Variants in ZFAND3 observed in about 807,000 individuals in gnomAD.
The protein encoded by ZFAND3 is AN1-type zinc finger protein 3.
Under a neutral mutation model 29.6 loss-of-function variants are expected in ZFAND3, and 10 were observed. The observed-to-expected ratio is 0.34, with a 90% CI of 0.21 to 0.57. The LOEUF is 0.57. Among genes scored for constraint, ZFAND3 ranks in the 20% least tolerant of loss-of-function variants. The pLI, the probability that ZFAND3 is intolerant of heterozygous loss-of-function variation, is 0.86. For missense variants in ZFAND3, 230 were observed against 304.5 expected, an observed-to-expected ratio of 0.76 and a Z score of 1.82; for synonymous variants, 128 against 112.6, an observed-to-expected ratio of 1.14 and a Z score of -0.87.
chr6:37,949,077 C>T (rs746938761), intron 2 of ZFAND3, among the ~76,000 whole-genome samples: 2 of 152,168 alleles, frequency 1.3e-5, no homozygotes, highest in Non-Finnish European at 2.9e-5. Flanking sequence ...TACTTTCCCA[C>T]CAGCAGTGTA....
chr6:37,846,282 G>A (rs1204544294), intron 1 of ZFAND3, among the ~76,000 whole-genome samples: 4 of 152,132 alleles, frequency 2.6e-5, no homozygotes, highest in Admixed American at 6.5e-5. Context: ...AAGAACCCAA[G>A]CCTTAGCAGA....
chr6:38,103,143 T>A (rs1008808550), intron 4 of ZFAND3, among the ~76,000 whole-genome samples: 5 of 152,208 alleles, frequency 3.3e-5, no homozygotes, highest in Non-Finnish European at 5.9e-5. Context: ...CCTCACTTAA[T>A]GTTGTTGATT....
intron 1 of ZFAND3, among the ~76,000 whole-genome samples, chr6:37,890,671 A>G (rs1278241275): frequency 1.7e-4 from 26 of 152,244 alleles, no homozygotes; most frequent in Non-Finnish European, 1.6e-4. Context: ...GACTAACACT[A>G]TCACATTAGT....
At position 38,062,391 on chromosome 6, in the gene ZFAND3, CT is replaced by C. The variant is rs768174856; in HGVS notation, c.295+630del. On this transcript the variant is annotated intron_variant, in intron 3 of 5. Transcript: ENST00000287218. ...TAGAAGTTCACTGTCTACTTAATTT[CT>C]TTTTTTTTTTTTTAGATACTCACTC... 537 of 141,654 alleles carry C rather than the reference CT, an allele frequency of 3.8e-3. 1 individual carries two copies. The highest frequency in any genetic ancestry group is 7.4e-3 in the Middle Eastern group (2 of 272). 8.8% of individuals were successfully genotyped at this position (141,654 alleles called of 1,614,324 possible).
chr6:38,106,635 G>A (rs1033185978), intron 4 of ZFAND3, among the ~76,000 whole-genome samples: 5 of 152,154 alleles, frequency 3.3e-5, no homozygotes, highest in Admixed American at 3.3e-4. Flanking sequence ...TTTACTTTGT[G>A]TGTTCATAAC....
intron 5 of ZFAND3, among the ~76,000 whole-genome samples, chr6:38,124,513 G>A (rs1765595456): frequency 6.6e-6 from 1 of 152,194 alleles, no homozygotes; most frequent in African/African-American, 2.4e-5. Flanking sequence ...GTGAGAAATC[G>A]AGCGCAGTGC....
At chr6:37,974,550 G>A (rs1013307299) in intron 2 of ZFAND3, among the ~76,000 whole-genome samples, 16 of 151,790 alleles carry the variant, frequency 1.1e-4, no homozygotes, top group Admixed American at 3.3e-4. Flanking sequence ...AGCTACAGGC[G>A]TGCGCTCCAA....
rs5875607 is a variant in ZFAND3, at chr6:37,985,499, C to CCACACACACACACACA, written c.112+55514_112+55529dup. 2.3e-3 allele frequency among the ~76,000 whole-genome samples: 322 copies of CCACACACACACACACA among 141,694 alleles called. 2 individuals are homozygous for CCACACACACACACACA. In the East Asian group the frequency reaches 0.042, roughly 18 times the overall value. The allele number at this position is 141,694 out of a possible 152,430, so 93.0% of individuals were successfully genotyped here. A position where few individuals can be genotyped will look rare whatever the true frequency, so the allele number is the denominator to read the frequency against. Reference sequence around the variant, plus strand: ...CGCCTGGTGGCACGTGCTTGTGGTTCCACACACACACACACACACACACAC... The same window carrying CCACACACACACACACA: ...CGCCTGGTGGCACGTGCTTGTGGTTCCACACACACACACACACACACACACACACACACACACACAC... On this transcript the variant is annotated intron_variant, in intron 2 of 5. Coordinates refer to ENST00000287218, the MANE Select transcript of ZFAND3 (RefSeq NM_021943.3).
chr6:38,105,041 G>C (rs1554181310), intron 4 of ZFAND3, among the ~76,000 whole-genome samples: 3 of 152,208 alleles, frequency 2.0e-5, no homozygotes, highest in Non-Finnish European at 4.4e-5. Flanking sequence ...CAATGCCTCA[G>C]TTTCCTCATG....
intron 2 of ZFAND3, among the ~76,000 whole-genome samples, chr6:38,039,514 G>A (rs1015455174): frequency 6.6e-6 from 1 of 152,142 alleles, no homozygotes; most frequent in African/African-American, 2.4e-5. Flanking sequence ...GTATTCATAA[G>A]GTAGAGTAGT....
At chr6:37,993,679 G>T (rs1414826123) in intron 2 of ZFAND3, among the ~76,000 whole-genome samples, 2 of 152,030 alleles carry the variant, frequency 1.3e-5, no homozygotes, top group East Asian at 3.9e-4. Context: ...AACATGAACT[G>T]CTTATTGTTA....
At chr6:37,939,812 C>T (rs1014885763) in intron 2 of ZFAND3, among the ~76,000 whole-genome samples, 4 of 152,018 alleles carry the variant, frequency 2.6e-5, no homozygotes, top group Non-Finnish European at 5.9e-5. Flanking sequence ...GAGGCTTAGG[C>T]GGGCGGATCA....
In ZFAND3 at chr6:38,144,231, A is replaced by ATTTTTTTTT. The variant is rs67159019; in HGVS notation, c.530-8002_530-7994dup. Among the ~76,000 whole-genome samples the ATTTTTTTTT allele has an allele frequency of 4.0e-5, 3 of 75,282 alleles. No homozygotes were observed. The East Asian group carries it at 1.2e-3, about 31-fold the overall frequency. 49.4% of individuals were successfully genotyped at this position (75,282 alleles called of 152,430 possible). A position where few individuals can be genotyped will look rare whatever the true frequency, so the allele number is the denominator to read the frequency against. ...TATATAATATATAATATATATATAT[A>ATTTTTTTTT]TTTTTTTTTTAATAAGGTTGCTTGA... is the stretch of plus-strand genomic sequence containing the variant. On this transcript the variant is annotated intron_variant, in intron 5 of 5. Coordinates refer to ENST00000287218, the MANE Select transcript of ZFAND3 (RefSeq NM_021943.3).
At chr6:38,093,220 TAGAG>T (rs1249486760) in intron 4 of ZFAND3, among the ~76,000 whole-genome samples, 2 of 152,170 alleles carry the variant, frequency 1.3e-5, no homozygotes, top group Non-Finnish European at 2.9e-5. Context: ...GCCAGTGGAA[TAGAG>T]AAAGAGAGAT....
chr6:38,144,211 A>ATATATAATATATATATATAT (rs70981524), intron 5 of ZFAND3, among the ~76,000 whole-genome samples: 13 of 45,848 alleles, frequency 2.8e-4, no homozygotes, highest in African/African-American at 1.4e-3. Flanking sequence ...ATATATATAT[A>ATATATAATATATATATATAT]ATATATAATA....
At chr6:37,933,535 G>A (rs1001291011) in intron 2 of ZFAND3, among the ~76,000 whole-genome samples, 1 of 152,202 alleles carries the variant, frequency 6.6e-6, no homozygotes, top group African/African-American at 2.4e-5. Context: ...AATAAGAAAG[G>A]AGAAATGAGT....
chr6:37,992,744 C>T (rs13199458), intron 2 of ZFAND3, among the ~76,000 whole-genome samples: 3 of 152,110 alleles, frequency 2.0e-5, no homozygotes, highest in Non-Finnish European at 4.4e-5. Flanking sequence ...TAAAATTAAT[C>T]CAAGATTAGG....
chr6:37,934,705 G>C (rs959102951), intron 2 of ZFAND3, among the ~76,000 whole-genome samples: 7 of 151,610 alleles, frequency 4.6e-5, no homozygotes. Context: ...TGAGTGTAGT[G>C]GTGCATGCCT....
At chr6:38,111,757 A>C (rs535784896) in intron 4 of ZFAND3, among the ~76,000 whole-genome samples, 4 of 152,214 alleles carry the variant, frequency 2.6e-5, no homozygotes, top group Non-Finnish European at 5.9e-5. Flanking sequence ...TCTGGTCAGC[A>C]GGAGGCTATT....
Sources: allele counts gnomAD v4.1 joint callset (sites outside exome capture counted in the v4.1 genomes callset), GRCh38; gene constraint gnomAD v4.1.1; transcripts MANE v1.5; gene names NCBI Gene and HGNC (gene_info 2026-07-23, HGNC 2026-07-21).